CNTNAP3: variants seen among roughly 807,000 people sequenced by gnomAD.
The protein encoded by CNTNAP3 is contactin associated protein family member 3, also known as contactin-associated protein-like 3.
In CNTNAP3, 36 loss-of-function variants were observed where a neutral mutation model predicts 92.1. That is an observed-to-expected ratio of 0.39 (90% confidence interval 0.30 to 0.52). The LOEUF (loss-of-function observed/expected upper bound fraction) is 0.52. Among genes scored for constraint, CNTNAP3 ranks in the 20% least tolerant of loss-of-function variants. The probability of loss-of-function intolerance (pLI) is 0.76; values close to 1 mark genes in which losing one functional copy is unlikely to be tolerated. For missense variants in CNTNAP3, 534 were observed against 1,069.6 expected (o/e 0.50, Z 6.98); for synonymous variants, 232 against 422.3 (o/e 0.55, Z 5.53).
chr9:39,068,953 C>T lies in CNTNAP3; in HGVS notation c.*4937G>A, dbSNP rs930951811. Among the ~76,000 whole-genome samples the T allele has an allele frequency of 1.5e-4, 23 of 152,282 alleles. No individual in the cohort carries two copies. Among genetic ancestry groups the T allele is most frequent in the African/African-American group, 3.4e-4 (14 of 41,480 alleles). ...GAGGGTTAGAGGGTAAATATGCTCC[C>T]TATTACTCCATCTTAGCCAGAAGTA... On this transcript the variant is annotated 3_prime_UTR_variant, in exon 24 of 24. Coordinates refer to ENST00000297668, the MANE Select transcript of CNTNAP3 (RefSeq NM_033655.5).
rs1412767653 is a variant in CNTNAP3 at position 39,195,952 on chromosome 9, T to TTA, written c.391-2679_391-2678dup. On this transcript the variant is annotated intron_variant, in intron 3 of 23. Transcript: ENST00000297668. ...ATATGACTAAAATATATTTAAAAGTTTATATATATAATCACATTAATTCAT... is the reference window on the plus strand; with the variant it reads ...ATATGACTAAAATATATTTAAAAGTTTATATATATATAATCACATTAATTCAT... Among the ~76,000 whole-genome samples, 36 of 17,250 alleles carry TTA rather than the reference T, an allele frequency of 2.1e-3. 2 individuals carry two copies. The highest frequency in any genetic ancestry group is 3.2e-3 in the African/African-American group (36 of 11,128). 11.3% of individuals were successfully genotyped at this position (17,250 alleles called of 152,430 possible).
intron 20 of CNTNAP3, chr9:39,086,384 AAT>A (rs1310463391): frequency 6.6e-6 from 2 of 303,876 alleles, no homozygotes; most frequent in Non-Finnish European, 1.2e-5. Flanking sequence ...AGTATCAATG[AAT>A]AGATTCCACC....
At chr9:39,126,125 A>G (rs1200461145) in intron 13 of CNTNAP3, among the ~76,000 whole-genome samples, 1 of 152,330 alleles carries the variant, frequency 6.6e-6, no homozygotes. Flanking sequence ...TACCAAATTT[A>G]AAAGAATAGA....
At chr9:39,146,289 C>T (rs1821696989) in intron 10 of CNTNAP3, among the ~76,000 whole-genome samples, 1 of 151,868 alleles carries the variant, frequency 6.6e-6, no homozygotes, top group Non-Finnish European at 1.5e-5. Context: ...CTCAGGGAGC[C>T]CCAGTTGGAA....
intron 13 of CNTNAP3, among the ~76,000 whole-genome samples, chr9:39,130,334 A>G (rs1420147129): frequency 2.0e-5 from 3 of 152,080 alleles, no homozygotes; most frequent in Non-Finnish European, 4.4e-5. Context: ...GATATACACA[A>G]TTATGCAAAT....
chr9:39,120,316 G>A (rs556494919), intron 13 of CNTNAP3, among the ~76,000 whole-genome samples: 1 of 152,158 alleles, frequency 6.6e-6, no homozygotes, highest in Admixed American at 6.5e-5. Context: ...AGGGCTGATA[G>A]AAAAGAATTG....
chr9:39,077,355 G>A (rs971452007), intron 23 of CNTNAP3, among the ~76,000 whole-genome samples: 5 of 151,752 alleles, frequency 3.3e-5, no homozygotes, highest in African/African-American at 7.3e-5. Flanking sequence ...TCAGGAGATC[G>A]AGACCATCCT....
At chr9:39,179,283 C>G (rs1446761853) in intron 4 of CNTNAP3, among the ~76,000 whole-genome samples, 1 of 53,336 alleles carries the variant, frequency 1.9e-5, no homozygotes, top group African/African-American at 8.5e-5. Context: ...CTCTCTCTCT[C>G]TCTACACACA....
intron 23 of CNTNAP3, among the ~76,000 whole-genome samples, chr9:39,076,825 G>C (rs1378574176): frequency 0.025 from 3,435 of 137,010 alleles, no homozygotes; most frequent in African/African-American, 0.06. Context: ...AAAATTAGCC[G>C]TGCGTGGTGG....
chr9:39,111,334 A>C (rs1054782060), intron 14 of CNTNAP3, among the ~76,000 whole-genome samples: 6 of 152,320 alleles, frequency 3.9e-5, no homozygotes, highest in African/African-American at 1.4e-4. Flanking sequence ...TTAGGTATCA[A>C]ACTTTCAAAT....
In CNTNAP3 at chr9:39,083,446, GT is replaced by G. The variant is rs755726051; in HGVS notation, c.3442+2289del. 6.6e-5 allele frequency among the ~76,000 whole-genome samples: 10 copies of G among 152,094 alleles called. 1 individual carries two copies. Among genetic ancestry groups the G allele is most frequent in the South Asian group, 4.1e-4 (2 of 4,822 alleles). On this transcript the variant is annotated intron_variant, in intron 21 of 23. Coordinates refer to ENST00000297668, the MANE Select transcript of CNTNAP3 (RefSeq NM_033655.5). The stretch of plus-strand genomic sequence containing the variant: ...GAGACTGAGGCGGGTGGATCACAAG[GT>G]CAGGAATTCGAGACCAGCCTGACCA...
At chr9:39,110,493 T>C (rs1826718813) in intron 14 of CNTNAP3, among the ~76,000 whole-genome samples, 1 of 152,102 alleles carries the variant, frequency 6.6e-6, no homozygotes, top group African/African-American at 2.4e-5. Context: ...GAGTAAAAAA[T>C]ATATTTTAGT....
intron 14 of CNTNAP3, among the ~76,000 whole-genome samples, chr9:39,109,871 T>C (rs1267511559): frequency 6.6e-6 from 1 of 152,160 alleles, no homozygotes. Flanking sequence ...GATTATTCAT[T>C]ACAAATAAAA....
At chr9:39,159,757 C>G (rs1822046097) in intron 9 of CNTNAP3, 1 of 120,086 alleles carries the variant, frequency 8.3e-6, no homozygotes, top group Non-Finnish European at 1.7e-5. Context: ...GGGTTTAGAA[C>G]TGAATGGGAA....
intron 11 of CNTNAP3, among the ~76,000 whole-genome samples, chr9:39,143,854 G>T (rs1287100553): frequency 6.6e-6 from 1 of 152,140 alleles, no homozygotes; most frequent in Non-Finnish European, 1.5e-5. Flanking sequence ...AGCCTGGCAA[G>T]GGGTTGTTTT....
rs1426955756 is a variant in CNTNAP3, at chr9:39,067,647, C to T, written c.*6243G>A. Among the ~76,000 whole-genome samples, 1 of 152,304 alleles carries T rather than the reference C, an allele frequency of 6.6e-6. No individual in the cohort carries two copies. The highest frequency in any genetic ancestry group is 1.5e-5 in the Non-Finnish European group (1 of 68,054). ...TCCCGACCTCGTGATCTGCCTGCCT[C>T]GACCTCCCAAAGTGCTGGGATTACA... On this transcript the variant is annotated 3_prime_UTR_variant, in exon 24 of 24. Transcript: ENST00000297668.
chr9:39,081,687 G>A (rs1408752330), intron 21 of CNTNAP3, among the ~76,000 whole-genome samples: 1 of 151,902 alleles, frequency 6.6e-6, no homozygotes, highest in Non-Finnish European at 1.5e-5. Context: ...CCTTACAAAA[G>A]GGTGCCACTT....
intron 23 of CNTNAP3, among the ~76,000 whole-genome samples, chr9:39,075,756 T>C (rs1014310499): frequency 2.0e-5 from 3 of 152,304 alleles, no homozygotes; most frequent in African/African-American, 7.2e-5. Flanking sequence ...TCCACAAATG[T>C]ATTGTTGAAG....
Position 39,102,715 on chromosome 9 carries a change from G to A in CNTNAP3, c.2537C>T (p.Ala846Val), listed in dbSNP as rs1239707382. 2.5e-6 allele frequency: 3 copies of A among 1,188,760 alleles called. No homozygotes were observed. The highest frequency in any genetic ancestry group is 3.6e-6 in the Non-Finnish European group (3 of 826,174). 73.6% of individuals were successfully genotyped at this position (1,188,760 alleles called of 1,614,324 possible). A position where few individuals can be genotyped will look rare whatever the true frequency, so the allele number is the denominator to read the frequency against. The change falls in exon 17 of 24, where the codon GCT becomes GTT. Residue 846 changes from alanine to valine, a missense_variant and splice_region_variant. Transcript: ENST00000297668. ...ITDFIRIELR[A>V]PTEVTFSFDV... ...GAAGGAAAAGGTCACTTCTGTGGGA[G>A]CTAGAAATATTAGATATGAATATTG... is the stretch of plus-strand genomic sequence containing the variant.
Sources: allele counts gnomAD v4.1 joint callset (sites outside exome capture counted in the v4.1 genomes callset), GRCh38; gene constraint gnomAD v4.1.1; transcripts MANE v1.5; gene names NCBI Gene and HGNC (gene_info 2026-07-23, HGNC 2026-07-21).